The following ADAM10 variants were observed in gnomAD, a reference collection of about 807,000 sequenced individuals.
ADAM10 encodes the protein ADAM metallopeptidase domain 10.
In ADAM10, 17 loss-of-function variants were observed where a neutral mutation model predicts 90.1. That is an observed-to-expected ratio of 0.19 (90% confidence interval 0.13 to 0.28). The LOEUF is 0.28. Among genes scored for constraint, ADAM10 ranks in the 10% least tolerant of loss-of-function variants. The pLI, the probability that ADAM10 is intolerant of heterozygous loss-of-function variation, is 1.00. For missense variants in ADAM10, 610 were observed against 914.3 expected (o/e 0.67, Z 4.29); for synonymous variants, 310 against 298.6 (o/e 1.04, Z -0.40).
At chr15:58,649,841 G>GAA (rs1268926429) in intron 5 of ADAM10, among the ~76,000 whole-genome samples, 1 of 152,066 alleles carries the variant, frequency 6.6e-6, no homozygotes, top group Non-Finnish European at 1.5e-5. Flanking sequence ...TGTTACATTG[G>GAA]AAAAATTCTC....
chr15:58,701,296 AAAG>A (rs1898129656), intron 2 of ADAM10, among the ~76,000 whole-genome samples: 1 of 152,302 alleles, frequency 6.6e-6, no homozygotes, highest in South Asian at 2.1e-4. Context: ...ACATTTCTCA[AAAG>A]AAGACACAGA....
chr15:58,651,307 A>T (rs554521014), intron 5 of ADAM10, among the ~76,000 whole-genome samples: 216 of 152,260 alleles, frequency 1.4e-3, no homozygotes, highest in Non-Finnish European at 2.1e-3. Context: ...ATTATTATTG[A>T]CTATAGTTGC....
intron 4 of ADAM10, among the ~76,000 whole-genome samples, chr15:58,673,439 T>G (rs1171611435): frequency 6.6e-6 from 1 of 151,316 alleles, no homozygotes; most frequent in African/African-American, 2.4e-5. Flanking sequence ...TAAATGCTTC[T>G]AATAACAATT....
At position 58,596,595 on chromosome 15, in the gene ADAM10, CAAAT is replaced by C. The variant is rs1383242294; in HGVS notation, c.*948_*951del. 2 of 152,486 alleles carry C rather than the reference CAAAT, an allele frequency of 1.3e-5. No homozygotes were observed. The highest frequency in any genetic ancestry group is 6.6e-5 in the Admixed American group (1 of 15,266). The allele number at this position is 152,486 out of a possible 1,614,324, so 9.4% of individuals were successfully genotyped here. A position where few individuals can be genotyped will look rare whatever the true frequency, so the allele number is the denominator to read the frequency against. On this transcript the variant is annotated 3_prime_UTR_variant, in exon 16 of 16. Transcript: ENST00000260408. Reference sequence around the variant, plus strand: ...GCATATTTCAGATATATGAAAAACACAAATAAGTAGGCTACAAATAAAAAGAATC... The same window carrying C: ...GCATATTTCAGATATATGAAAAACACAAGTAGGCTACAAATAAAAAGAATC...
intron 1 of ADAM10, among the ~76,000 whole-genome samples, chr15:58,739,715 G>A (rs557611221): frequency 6.6e-6 from 1 of 152,250 alleles, no homozygotes; most frequent in African/African-American, 2.4e-5. Context: ...ACATTTGAGG[G>A]TTCTGATAAT....
chr15:58,715,738 C>G (rs1219961298), intron 2 of ADAM10, among the ~76,000 whole-genome samples: 1 of 152,168 alleles, frequency 6.6e-6, no homozygotes, highest in Admixed American at 6.5e-5. Flanking sequence ...CTCGCTTTCC[C>G]TGCTCTCTCT....
At chr15:58,721,090 T>C (rs1381325999) in intron 1 of ADAM10, among the ~76,000 whole-genome samples, 4 of 152,272 alleles carry the variant, frequency 2.6e-5, no homozygotes, top group East Asian at 1.9e-4. Flanking sequence ...ACAATAACTA[T>C]TGCTGTTCTG....
chr15:58,668,764 T>C (rs1011099163), intron 4 of ADAM10, among the ~76,000 whole-genome samples: 4 of 152,134 alleles, frequency 2.6e-5, no homozygotes, highest in African/African-American at 9.7e-5. Context: ...TAAAATTCTC[T>C]TTCCTGTATA....
intron 14 of ADAM10, among the ~76,000 whole-genome samples, chr15:58,602,593 G>A (rs888448255): frequency 1.3e-5 from 2 of 152,022 alleles, no homozygotes; most frequent in Non-Finnish European, 2.9e-5. Flanking sequence ...ATAAAAAAGG[G>A]AAAGAGATAT....
At chr15:58,749,402 G>C in intron 1 of ADAM10, 78 bp downstream of exon 1, 1 of 1,323,608 alleles carries the variant, frequency 7.6e-7, no homozygotes, top group Non-Finnish European at 9.7e-7. Flanking sequence ...ACGCCGCGAG[G>C]CGCGACTGGG....
intron 5 of ADAM10, among the ~76,000 whole-genome samples, chr15:58,659,703 C>A (rs143905626): frequency 6.6e-6 from 1 of 152,084 alleles, no homozygotes; most frequent in Non-Finnish European, 1.5e-5. Context: ...CAAAGTAACA[C>A]TGCCCTCATA....
intron 1 of ADAM10, chr15:58,732,319 G>T (rs1488821607): frequency 6.6e-6 from 1 of 152,274 alleles, no homozygotes; most frequent in African/African-American, 2.4e-5. Context: ...GTACAAAGAA[G>T]AATTCACAGC....
At chr15:58,674,049 T>C (rs1427527643) in intron 4 of ADAM10, among the ~76,000 whole-genome samples, 4 of 152,090 alleles carry the variant, frequency 2.6e-5, no homozygotes, top group African/African-American at 9.7e-5. Context: ...TCTTTTTTTG[T>C]GATTTTTTTT....
intron 2 of ADAM10, among the ~76,000 whole-genome samples, chr15:58,699,539 A>G (rs8039013): frequency 0.83 from 126,625 of 152,122 alleles, 52,645 homozygotes; most frequent in East Asian, 0.89. Context: ...CAGGCAGGTC[A>G]CTTGAGGCCA....
intron 2 of ADAM10, chr15:58,692,104 C>A (rs748168177): frequency 8.2e-6 from 4 of 488,950 alleles, no homozygotes; most frequent in African/African-American, 2.0e-5. Flanking sequence ...CATACTCTGG[C>A]ATCAAATCAT....
At chr15:58,723,699 C>G (rs1898934676) in intron 1 of ADAM10, among the ~76,000 whole-genome samples, 1 of 151,612 alleles carries the variant, frequency 6.6e-6, no homozygotes, top group African/African-American at 2.4e-5. Context: ...CAGTGAGCCT[C>G]CACCTCAAAA....
At chr15:58,695,305 A>C (rs913779372) in intron 2 of ADAM10, among the ~76,000 whole-genome samples, 2 of 152,208 alleles carry the variant, frequency 1.3e-5, no homozygotes, top group East Asian at 3.8e-4. Flanking sequence ...CACAAACTTA[A>C]AAATAGACTC....
At chr15:58,652,027 G>C (rs1179735825) in intron 5 of ADAM10, among the ~76,000 whole-genome samples, 1 of 152,064 alleles carries the variant, frequency 6.6e-6, no homozygotes, top group Non-Finnish European at 1.5e-5. Context: ...TCATATGCCT[G>C]TTTGCCATTT....
chr15:58,729,540 A>T (rs1022300301), intron 1 of ADAM10, among the ~76,000 whole-genome samples: 5 of 152,222 alleles, frequency 3.3e-5, no homozygotes, highest in Non-Finnish European at 7.3e-5. Flanking sequence ...AAGTTTGAGA[A>T]GCACTGTAAC....
Sources: gnomAD v4.1 joint callset for allele counts (sites outside exome capture counted in the v4.1 genomes callset) on GRCh38, gnomAD v4.1.1 for gene constraint, MANE v1.5 for transcripts, NCBI Gene and HGNC (gene_info 2026-07-23, HGNC 2026-07-21) for gene names.